Variants in CNTLN observed in about 807,000 individuals in gnomAD.
CNTLN encodes the protein centlein.
A neutral mutation model predicts 180.0 loss-of-function variants in CNTLN; 212 were observed. The ratio of observed to expected loss-of-function variants is 1.18; its 90% CI spans 1.05 to 1.32. The LOEUF is 1.32. CNTLN is among the 40% of genes most tolerant of loss of function. The pLI is 0.00. For synonymous variants in CNTLN, 722 were observed against 563.1 expected (o/e 1.28, Z -3.99); for missense variants, 2,095 against 1,610.9 (o/e 1.30, Z -5.14).
At position 17,394,339 on chromosome 9, in the gene CNTLN, T is replaced by C. The variant is rs1826327957; in HGVS notation, c.2080-195T>C. The stretch of plus-strand genomic sequence containing the variant: ...TTTTACCTTCTTTTACCATCTGTCC[T>C]TTATTCAACAGATACATTATTGCAT... On this transcript the variant is annotated intron_variant, in intron 14 of 25. Coordinates refer to ENST00000380647, the MANE Select transcript of CNTLN (RefSeq NM_017738.4). 2.0e-5 allele frequency among the ~76,000 whole-genome samples: 3 copies of C among 152,304 alleles called. No individual in the cohort carries two copies. The South Asian group carries it at 6.2e-4, about 32-fold the overall frequency.
intron 12 of CNTLN, among the ~76,000 whole-genome samples, chr9:17,343,266 A>G (rs1046803893): frequency 4.6e-5 from 7 of 152,226 alleles, no homozygotes; most frequent in Non-Finnish European, 8.8e-5. Context: ...CTCTTCTGCT[A>G]CTTAACTATT....
rs1465447522 is a variant in CNTLN, at chr9:17,351,865, C to T, written c.1886+9421C>T. Reference sequence around the variant, plus strand: ...GCAAATCTGAGTTCATTATATAACACACTTGAATATCAGCTCCCCCCTTTT... The same window carrying T: ...GCAAATCTGAGTTCATTATATAACATACTTGAATATCAGCTCCCCCCTTTT... On this transcript the variant is annotated intron_variant, in intron 12 of 25. Coordinates refer to ENST00000380647, the MANE Select transcript of CNTLN (RefSeq NM_017738.4). 3.3e-5 allele frequency among the ~76,000 whole-genome samples: 5 copies of T among 152,310 alleles called. No homozygotes were observed. In the East Asian group the frequency reaches 9.7e-4, roughly 29 times the overall value.
At chr9:17,193,853 C>T (rs1821948582) in intron 2 of CNTLN, among the ~76,000 whole-genome samples, 1 of 152,248 alleles carries the variant, frequency 6.6e-6, no homozygotes, top group South Asian at 2.1e-4. Flanking sequence ...CAACAAACTT[C>T]TGCCTAGGCA....
intron 13 of CNTLN, among the ~76,000 whole-genome samples, chr9:17,371,769 C>G (rs1237712846): frequency 6.6e-6 from 1 of 152,030 alleles, no homozygotes; most frequent in Non-Finnish European, 1.5e-5. Flanking sequence ...AAGCATCTTA[C>G]CTGACAACAA....
At chr9:17,143,411 G>T (rs1234050639) in intron 2 of CNTLN, 35 bp downstream of exon 2, 2 of 1,467,044 alleles carry the variant, frequency 1.4e-6, no homozygotes, top group Non-Finnish European at 1.9e-6. Flanking sequence ...TGAGTATTTG[G>T]TGTGTTGAGT....
At chr9:17,488,796 T>G (rs1248162482) in intron 25 of CNTLN, among the ~76,000 whole-genome samples, 1 of 152,142 alleles carries the variant, frequency 6.6e-6, no homozygotes, top group African/African-American at 2.4e-5. Flanking sequence ...CCAGGCAGTA[T>G]TGATTTAATT....
chr9:17,174,782 G>A (rs1820620347), intron 2 of CNTLN, among the ~76,000 whole-genome samples: 1 of 151,946 alleles, frequency 6.6e-6, no homozygotes, highest in Admixed American at 6.6e-5. Context: ...CAATGTGTGA[G>A]AGTGATTTGG....
chr9:17,423,135 G>A (rs1161489955), intron 18 of CNTLN, among the ~76,000 whole-genome samples: 1 of 152,112 alleles, frequency 6.6e-6, no homozygotes, highest in Non-Finnish European at 1.5e-5. Flanking sequence ...TCACTTCGAT[G>A]TCCACCACTG....
At chr9:17,255,844 C>T (rs140326621) in intron 5 of CNTLN, among the ~76,000 whole-genome samples, 5 of 151,902 alleles carry the variant, frequency 3.3e-5, no homozygotes, top group Admixed American at 1.3e-4. Flanking sequence ...AGTTACTGTT[C>T]TGTCAGATTT....
intron 20 of CNTLN, 51 bp downstream of exon 20, chr9:17,463,064 C>G (rs547152383): frequency 1.9e-6 from 2 of 1,070,714 alleles, no homozygotes; most frequent in Middle Eastern, 2.0e-4. Context: ...CTAGTGGCAA[C>G]CAGCTCTATT....
chr9:17,414,430 T>C (rs887388397), intron 16 of CNTLN, among the ~76,000 whole-genome samples: 1 of 152,186 alleles, frequency 6.6e-6, no homozygotes, highest in Non-Finnish European at 1.5e-5. Flanking sequence ...GTGACTGATA[T>C]TAGTACTTCA....
chr9:17,179,261 A>AAAG (rs59512574), intron 2 of CNTLN, among the ~76,000 whole-genome samples: 22,376 of 137,612 alleles, frequency 0.16, 2,349 homozygotes, highest in South Asian at 0.25. Context: ...AAAAAAAAAA[A>AAAG]AAGAAGAAGT....
At chr9:17,354,753 GC>G (rs1383311955) in intron 12 of CNTLN, among the ~76,000 whole-genome samples, 1 of 152,088 alleles carries the variant, frequency 6.6e-6, no homozygotes, top group Non-Finnish European at 1.5e-5. Flanking sequence ...AAAGCAGGCT[GC>G]CCGAGCCAGC....
At chr9:17,405,199 A>G (rs1411265930) in intron 15 of CNTLN, among the ~76,000 whole-genome samples, 1 of 151,430 alleles carries the variant, frequency 6.6e-6, no homozygotes, top group Non-Finnish European at 1.5e-5. Flanking sequence ...CTTCTCACTG[A>G]TATTTAACTT....
At chr9:17,524,521 A>G in the CNTLN span, among the ~76,000 whole-genome samples, 7 of 152,242 alleles carry the variant, frequency 4.6e-5, no homozygotes, top group Non-Finnish European at 7.3e-5. Context: ...AATCTCATCC[A>G]GAAACATTCT....
intron 13 of CNTLN, among the ~76,000 whole-genome samples, chr9:17,372,898 C>T (rs1252412081): frequency 6.6e-6 from 1 of 152,068 alleles, no homozygotes; most frequent in African/African-American, 2.4e-5. Flanking sequence ...TTTACTTAGT[C>T]CTGAAAAAGC....
chr9:17,458,541 A>T (rs1055197769), intron 19 of CNTLN, among the ~76,000 whole-genome samples: 5 of 151,936 alleles, frequency 3.3e-5, no homozygotes, highest in Admixed American at 6.6e-5. Context: ...CCCTGTTAGG[A>T]GGGTATTGGA....
chr9:17,286,789 A>G (rs1160873873), intron 6 of CNTLN, among the ~76,000 whole-genome samples: 1 of 114,118 alleles, frequency 8.8e-6, no homozygotes, highest in Non-Finnish European at 1.7e-5. Flanking sequence ...GAGTTCACTC[A>G]TGATTTGGCT....
At chr9:17,333,013 G>T (rs1026481135) in intron 10 of CNTLN, among the ~76,000 whole-genome samples, 5 of 151,768 alleles carry the variant, frequency 3.3e-5, no homozygotes, top group African/African-American at 1.2e-4. Flanking sequence ...TTTCCCAAAG[G>T]CAAAAAATAG....
Sources: allele counts gnomAD v4.1 joint callset (sites outside exome capture counted in the v4.1 genomes callset), GRCh38; gene constraint gnomAD v4.1.1; transcripts MANE v1.5; gene names NCBI Gene and HGNC (gene_info 2026-07-23, HGNC 2026-07-21).